Variants in KIF6 observed in about 807,000 individuals in gnomAD.
The protein encoded by KIF6 is kinesin family member 6.
Under a neutral mutation model 112.7 loss-of-function variants are expected in KIF6, and 106 were observed. The ratio of observed to expected loss-of-function variants is 0.94; its 90% CI spans 0.80 to 1.11. The LOEUF (loss-of-function observed/expected upper bound fraction) is 1.11, where lower values mean the gene tolerates loss of function less well. KIF6 is among the 50% of genes least tolerant of loss of function. KIF6 has a pLI of 0.00. For missense variants in KIF6, 929 were observed against 964.0 expected (o/e 0.96, Z 0.48); for synonymous variants, 339 against 339.9 (o/e 1.00, Z 0.03).
chr6:39,414,045 A>G (rs1489375304), intron 15 of KIF6, among the ~76,000 whole-genome samples: 1 of 152,172 alleles, frequency 6.6e-6, no homozygotes, highest in Non-Finnish European at 1.5e-5. Flanking sequence ...ATTACTGAGG[A>G]AATGCAGTAT....
chr6:39,533,230 A>G (rs970956609), intron 13 of KIF6, among the ~76,000 whole-genome samples: 4 of 152,234 alleles, frequency 2.6e-5, no homozygotes, highest in African/African-American at 7.2e-5. Flanking sequence ...CGGGAAGCGC[A>G]AGGGGTCAGG....
chr6:39,710,926 T>C (rs1414994332), intron 3 of KIF6, among the ~76,000 whole-genome samples: 18 of 151,870 alleles, frequency 1.2e-4, no homozygotes, highest in Non-Finnish European at 1.9e-4. Context: ...TCGGGAGGCC[T>C]TGAGGCAGGA....
At chr6:39,337,272 T>C (rs1763082215) in intron 22 of KIF6, among the ~76,000 whole-genome samples, 1 of 92,038 alleles carries the variant, frequency 1.1e-5, no homozygotes, top group Non-Finnish European at 2.1e-5. Context: ...CCCTCCAGCC[T>C]CCCCTCCCTT....
chr6:39,597,225 A>G (rs2150687930), intron 6 of KIF6, among the ~76,000 whole-genome samples: 1 of 152,360 alleles, frequency 6.6e-6, no homozygotes, highest in East Asian at 1.9e-4. Flanking sequence ...TTGATCCTAA[A>G]TGGCATACAG....
chr6:39,621,234 T>TACACACACACAC lies in KIF6; in HGVS notation c.510-7917_510-7916insGTGTGTGTGTGT, dbSNP rs1477311569. Among the ~76,000 whole-genome samples, 315 of 70,412 alleles carry TACACACACACAC rather than the reference T, an allele frequency of 4.5e-3. 1 individual carries two copies. Among genetic ancestry groups the TACACACACACAC allele is most frequent in the African/African-American group, 0.018 (286 of 15,742 alleles). The allele number at this position is 70,412 out of a possible 152,430, so 46.2% of individuals were successfully genotyped here. On this transcript the variant is annotated intron_variant, in intron 5 of 22. Transcript: ENST00000287152. ...ACACACACACACACACACACACACG[T>TACACACACACAC]ACACATATATCTTTAACTGTATCAA...
At chr6:39,591,974 T>C (rs1781977730) in intron 7 of KIF6, among the ~76,000 whole-genome samples, 1 of 151,960 alleles carries the variant, frequency 6.6e-6, no homozygotes, top group Non-Finnish European at 1.5e-5. Context: ...TAGCCAGGTG[T>C]GGTGGCTGGC....
chr6:39,632,588 CAA>C (rs35217887), intron 5 of KIF6, among the ~76,000 whole-genome samples: 95 of 141,196 alleles, frequency 6.7e-4, no homozygotes, highest in African/African-American at 2.4e-3. Context: ...CCAAGTACAG[CAA>C]AAAAAAAAAA....
intron 3 of KIF6, among the ~76,000 whole-genome samples, chr6:39,706,174 C>CT (rs562238531): frequency 1.3e-5 from 2 of 151,844 alleles, no homozygotes; most frequent in African/African-American, 4.8e-5. Flanking sequence ...AACTCTTATG[C>CT]TTTTTTTTCT....
intron 10 of KIF6, among the ~76,000 whole-genome samples, chr6:39,558,339 G>C (rs1051041838): frequency 6.6e-6 from 1 of 152,116 alleles, no homozygotes; most frequent in African/African-American, 2.4e-5. Context: ...CAGGAACCAG[G>C]TGTTAGGGAT....
intron 9 of KIF6, chr6:39,583,067 CATA>C: frequency 4.1e-6 from 1 of 241,880 alleles, no homozygotes; most frequent in South Asian, 5.4e-5. Context: ...ATATCAAACA[CATA>C]ATAATGTTTA....
At chr6:39,368,444 G>C (rs1013359750) in intron 16 of KIF6, among the ~76,000 whole-genome samples, 1 of 152,196 alleles carries the variant, frequency 6.6e-6, no homozygotes, top group African/African-American at 2.4e-5. Flanking sequence ...TCTTTCCTCT[G>C]TAAGTGATTC....
intron 3 of KIF6, among the ~76,000 whole-genome samples, chr6:39,667,181 C>A (rs1032586159): frequency 6.6e-5 from 10 of 151,772 alleles, no homozygotes; most frequent in Non-Finnish European, 1.3e-4. Flanking sequence ...AGGGGAAAGG[C>A]TCACACAATT....
intron 3 of KIF6, among the ~76,000 whole-genome samples, chr6:39,678,905 T>C (rs1787332059): frequency 6.6e-6 from 1 of 152,186 alleles, no homozygotes; most frequent in South Asian, 2.1e-4. Context: ...AAGAAATAAA[T>C]CATAAAAGGC....
chr6:39,538,241 C>A (rs1479459722), intron 13 of KIF6, among the ~76,000 whole-genome samples: 4 of 151,374 alleles, frequency 2.6e-5, no homozygotes, highest in Admixed American at 2.0e-4. Context: ...TAAAGAGCTT[C>A]TGCACAGCAA....
intron 2 of KIF6, among the ~76,000 whole-genome samples, chr6:39,716,304 T>C (rs544685757): frequency 1.7e-3 from 38 of 22,452 alleles, no homozygotes; most frequent in African/African-American, 3.5e-3. Flanking sequence ...TAAAGGATAT[T>C]GAATTCCTTG....
At chr6:39,352,034 G>T (rs1243988322) in intron 19 of KIF6, among the ~76,000 whole-genome samples, 1 of 152,236 alleles carries the variant, frequency 6.6e-6, no homozygotes, top group African/African-American at 2.4e-5. Flanking sequence ...CAGGTGCAGG[G>T]CACAAATGCT....
intron 3 of KIF6, chr6:39,690,305 G>A (rs1268706460): frequency 6.6e-6 from 1 of 152,078 alleles, no homozygotes; most frequent in African/African-American, 2.4e-5. Context: ...AAGTAACGAT[G>A]TCAATGGCAC....
chr6:39,450,173 T>G (rs1772596390), intron 13 of KIF6, among the ~76,000 whole-genome samples: 1 of 152,236 alleles, frequency 6.6e-6, no homozygotes, highest in Non-Finnish European at 1.5e-5. Context: ...CACATGAGAA[T>G]CTTTGGAGAC....
At chr6:39,475,798 T>C (rs1774394026) in intron 13 of KIF6, among the ~76,000 whole-genome samples, 1 of 152,190 alleles carries the variant, frequency 6.6e-6, no homozygotes. Flanking sequence ...AGGTAGGCTT[T>C]CCTTTTGTAG....
Sources: allele counts gnomAD v4.1 joint callset (sites outside exome capture counted in the v4.1 genomes callset), GRCh38; gene constraint gnomAD v4.1.1; transcripts MANE v1.5; gene names NCBI Gene and HGNC (gene_info 2026-07-23, HGNC 2026-07-21).